Variants in EPB41L4B observed in about 807,000 individuals in gnomAD.
The protein encoded by EPB41L4B is band 4.1-like protein 4B.
EPB41L4B carries 30 observed loss-of-function variants against 112.5 expected under a neutral mutation model. The ratio of observed to expected loss-of-function variants is 0.27; its 90% CI spans 0.20 to 0.36. The LOEUF is 0.36. EPB41L4B is among the 10% of genes least tolerant of loss of function. The probability of loss-of-function intolerance (pLI) is 1.00; values close to 1 mark genes in which losing one functional copy is unlikely to be tolerated. For synonymous variants in EPB41L4B, 408 were observed against 439.7 expected (o/e 0.93, Z 0.90); for missense variants, 1,024 against 1,133.3 (o/e 0.90, Z 1.38).
chr9:109,313,785 C>T (rs1248535629), intron 1 of EPB41L4B, among the ~76,000 whole-genome samples: 1 of 152,190 alleles, frequency 6.6e-6, no homozygotes, highest in Non-Finnish European at 1.5e-5. Flanking sequence ...TAAAGAGATA[C>T]AAGCTCCAAG....
intron 1 of EPB41L4B, among the ~76,000 whole-genome samples, 177 bp from the exon 2 acceptor site, chr9:109,280,098 A>C (rs1835978642): frequency 1.3e-5 from 2 of 152,226 alleles, no homozygotes; most frequent in African/African-American, 4.8e-5. Context: ...AAAGAAACTC[A>C]AATGCCACAT....
At chr9:109,276,126 A>G (rs1369955572) in intron 2 of EPB41L4B, among the ~76,000 whole-genome samples, 1 of 148,750 alleles carries the variant, frequency 6.7e-6, no homozygotes, top group Non-Finnish European at 1.5e-5. Context: ...TATATAGTGT[A>G]TATATACATA....
At chr9:109,275,034 A>G (rs1395244725) in intron 2 of EPB41L4B, among the ~76,000 whole-genome samples, 2 of 152,236 alleles carry the variant, frequency 1.3e-5, no homozygotes, top group Non-Finnish European at 2.9e-5. Flanking sequence ...TTTGAGCTGT[A>G]CCAAAGTGAA....
At chr9:109,309,755 C>CACAG (rs1469457835) in intron 1 of EPB41L4B, among the ~76,000 whole-genome samples, 3 of 142,136 alleles carry the variant, frequency 2.1e-5, no homozygotes, top group East Asian at 2.3e-4. Context: ...AATACACACA[C>CACAG]AGAGAGAGAG....
chr9:109,176,897 G>C (rs149162905), intron 24 of EPB41L4B, among the ~76,000 whole-genome samples: 1 of 152,262 alleles, frequency 6.6e-6, no homozygotes, highest in Non-Finnish European at 1.5e-5. Context: ...AACCCTTTAA[G>C]GTAGCGATTA....
intron 15 of EPB41L4B, among the ~76,000 whole-genome samples, chr9:109,243,403 C>G (rs1409172690): frequency 6.6e-6 from 1 of 152,022 alleles, no homozygotes; most frequent in Non-Finnish European, 1.5e-5. Context: ...TTTAAAAAAT[C>G]AATTCATTTT....
At chr9:109,296,541 G>A (rs896214226) in intron 1 of EPB41L4B, among the ~76,000 whole-genome samples, 2 of 152,120 alleles carry the variant, frequency 1.3e-5, no homozygotes, top group African/African-American at 4.8e-5. Flanking sequence ...CCTATGGGAC[G>A]GGCCTGGGGA....
intron 1 of EPB41L4B, among the ~76,000 whole-genome samples, chr9:109,289,011 C>G (rs750338273): frequency 2.0e-5 from 3 of 152,088 alleles, no homozygotes; most frequent in Non-Finnish European, 4.4e-5. Context: ...AGACACCCAC[C>G]CCCTAGTGGG....
At chr9:109,204,766 G>A (rs940953164) in intron 18 of EPB41L4B, among the ~76,000 whole-genome samples, 1 of 152,136 alleles carries the variant, frequency 6.6e-6, no homozygotes, top group African/African-American at 2.4e-5. Flanking sequence ...CAAAATTCTG[G>A]GATTACAGGC....
intron 2 of EPB41L4B, among the ~76,000 whole-genome samples, chr9:109,273,636 C>T (rs913420117): frequency 6.6e-6 from 1 of 152,164 alleles, no homozygotes; most frequent in Non-Finnish European, 1.5e-5. Flanking sequence ...CTCTGCCACT[C>T]ACCTCATGTG....
intron 1 of EPB41L4B, among the ~76,000 whole-genome samples, chr9:109,295,006 C>T (rs936697105): frequency 1.1e-4 from 16 of 152,174 alleles, no homozygotes; most frequent in Middle Eastern, 3.4e-3. Flanking sequence ...GAAAGTGTTG[C>T]GAGATGCAGA....
chr9:109,247,813 A>T, intron 13 of EPB41L4B, 24 bp from the exon 14 acceptor site: 2 of 1,478,384 alleles, frequency 1.4e-6, no homozygotes, highest in Non-Finnish European at 1.8e-6. Context: ...CAAACAAAAA[A>T]CAGAAAAAAA....
chr9:109,312,151 GA>G (rs552262768), intron 1 of EPB41L4B, among the ~76,000 whole-genome samples: 175 of 151,952 alleles, frequency 1.2e-3, no homozygotes, highest in African/African-American at 4.1e-3. Context: ...GAGGAGAAAA[GA>G]AAAAAATGTT....
chr9:109,270,267 A>G (rs1475934831), intron 2 of EPB41L4B, among the ~76,000 whole-genome samples: 1 of 152,258 alleles, frequency 6.6e-6, no homozygotes, highest in African/African-American at 2.4e-5. Flanking sequence ...AATCTCATTT[A>G]TATAAAATTA....
At chr9:109,274,403 T>C (rs574045631) in intron 2 of EPB41L4B, among the ~76,000 whole-genome samples, 1 of 152,254 alleles carries the variant, frequency 6.6e-6, no homozygotes, top group Admixed American at 6.5e-5. Context: ...TTCTCTTGGA[T>C]ATCTTGTTCA....
chr9:109,304,268 T>C (rs1564333154), intron 1 of EPB41L4B, among the ~76,000 whole-genome samples: 1 of 152,226 alleles, frequency 6.6e-6, no homozygotes, highest in Non-Finnish European at 1.5e-5. Context: ...TTAAGACTCA[T>C]TCCTCAACAT....
chr9:109,217,769 C>T (rs369999229), intron 15 of EPB41L4B, among the ~76,000 whole-genome samples: 6 of 152,116 alleles, frequency 3.9e-5, no homozygotes, highest in East Asian at 1.9e-4. Flanking sequence ...GACAGGATCT[C>T]GCTATGTTGC....
chr9:109,196,946 A>G (rs2118718746), intron 20 of EPB41L4B, among the ~76,000 whole-genome samples: 1 of 152,290 alleles, frequency 6.6e-6, no homozygotes, highest in South Asian at 2.1e-4. Context: ...CTAAAATCTG[A>G]CTACACCTTA....
intron 17 of EPB41L4B, among the ~76,000 whole-genome samples, chr9:109,210,391 T>A (rs12684047): frequency 0.15 from 22,792 of 152,258 alleles, 2,139 homozygotes; most frequent in East Asian, 0.26. Flanking sequence ...CAGAATGGTA[T>A]ACTGGCATAC....
Sources: allele counts gnomAD v4.1 joint callset (sites outside exome capture counted in the v4.1 genomes callset), GRCh38; gene constraint gnomAD v4.1.1; transcripts MANE v1.5; gene names NCBI Gene and HGNC (gene_info 2026-07-23, HGNC 2026-07-21).